Variants in RMDN2 observed in about 807,000 individuals in gnomAD.
RMDN2 encodes regulator of microtubule dynamics protein 2.
A neutral mutation model predicts 52.8 loss-of-function variants in RMDN2; 61 were observed. The observed-to-expected ratio is 1.16, with a 90% CI of 0.94 to 1.43. The LOEUF (loss-of-function observed/expected upper bound fraction) is 1.43. RMDN2 is among the 40% of genes most tolerant of loss of function. RMDN2 has a pLI of 0.00. For synonymous variants in RMDN2, 180 were observed against 153.1 expected, an observed-to-expected ratio of 1.18 and a Z score of -1.30; for missense variants, 592 against 475.3, an observed-to-expected ratio of 1.25 and a Z score of -2.28.
chr2:37,957,820 G>C (rs773454235), intron 2 of RMDN2, among the ~76,000 whole-genome samples: 7 of 152,096 alleles, frequency 4.6e-5, no homozygotes, highest in African/African-American at 7.2e-5. Context: ...GTTGATTTTT[G>C]TATAAGGTAT....
intron 2 of RMDN2, among the ~76,000 whole-genome samples, chr2:37,960,852 G>A (rs1300834899): frequency 6.6e-6 from 1 of 152,144 alleles, no homozygotes; most frequent in African/African-American, 2.4e-5. Context: ...CATATTTAAT[G>A]CTTCCTTCAG....
At chr2:37,978,777 C>CAGGT (rs1672903497) in intron 4 of RMDN2, among the ~76,000 whole-genome samples, 1 of 148,750 alleles carries the variant, frequency 6.7e-6, no homozygotes, top group South Asian at 2.2e-4. Flanking sequence ...GACCCTTTCT[C>CAGGT]AGATAGATAG....
At chr2:38,045,750 C>T (rs975536128) in intron 10 of RMDN2, among the ~76,000 whole-genome samples, 34 of 152,312 alleles carry the variant, frequency 2.2e-4, no homozygotes, top group African/African-American at 6.7e-4. Flanking sequence ...CCGCCCTTCT[C>T]CCCCAGCTTA....
At chr2:38,020,194 A>T (rs959965917), downstream of RMDN2, among the ~76,000 whole-genome samples, 9 of 152,068 alleles carry the variant, frequency 5.9e-5, no homozygotes, top group Admixed American at 5.9e-4. Context: ...TTCTATTATT[A>T]TTACAGTGTA....
intron 8 of RMDN2, among the ~76,000 whole-genome samples, chr2:38,001,524 A>G (rs1247719541): frequency 6.6e-6 from 1 of 152,216 alleles, no homozygotes; most frequent in Non-Finnish European, 1.5e-5. Flanking sequence ...CATGAGAACA[A>G]AAAGAGATGT....
At chr2:38,030,613 A>G (rs1025205067) in intron 10 of RMDN2, 7 of 152,254 alleles carry the variant, frequency 4.6e-5, no homozygotes, top group African/African-American at 1.7e-4. Flanking sequence ...CTGGCTTTAC[A>G]TGGATTTTTA....
chr2:38,040,828 C>T (rs147402054), intron 10 of RMDN2, among the ~76,000 whole-genome samples: 5 of 152,260 alleles, frequency 3.3e-5, no homozygotes, highest in African/African-American at 1.2e-4. Context: ...ATCTTAAACA[C>T]TATTGAGTCT....
intron 2 of RMDN2, among the ~76,000 whole-genome samples, chr2:37,945,515 C>T (rs1017356613): frequency 7.9e-5 from 12 of 152,146 alleles, no homozygotes; most frequent in Admixed American, 1.3e-4. Context: ...TACCCCGATA[C>T]CTTGGCACCA....
chr2:37,949,755 A>G (rs563985842), intron 2 of RMDN2, among the ~76,000 whole-genome samples: 1 of 152,102 alleles, frequency 6.6e-6, no homozygotes, highest in Non-Finnish European at 1.5e-5. Context: ...CACAGTAAAT[A>G]AAAGTATTTG....
At chr2:38,001,240 A>G (rs1676281642) in intron 8 of RMDN2, among the ~76,000 whole-genome samples, 1 of 152,246 alleles carries the variant, frequency 6.6e-6, no homozygotes, top group East Asian at 1.9e-4. Flanking sequence ...GAACACAGAA[A>G]TGACCAACAA....
chr2:38,009,355 C>T (rs150267344), intron 10 of RMDN2, among the ~76,000 whole-genome samples: 2,375 of 152,290 alleles, frequency 0.016, 57 homozygotes, highest in African/African-American at 0.054. Flanking sequence ...ACCAATCAGA[C>T]GTAGATTTGG....
intron 5 of RMDN2, among the ~76,000 whole-genome samples, chr2:37,984,915 T>G (rs1005919331): frequency 6.6e-6 from 1 of 151,548 alleles, no homozygotes; most frequent in African/African-American, 2.4e-5. Flanking sequence ...CAAACATAGG[T>G]AGAATGGATT....
chr2:37,951,172 T>C, intron 2 of RMDN2: 1 of 1,463,838 alleles, frequency 6.8e-7, no homozygotes, highest in African/African-American at 1.4e-5. Context: ...TCAGGAGGCT[T>C]GGCAGGTCTC....
At chr2:37,927,809 A>AT (rs1666409221) in intron 1 of RMDN2, among the ~76,000 whole-genome samples, 2 of 152,168 alleles carry the variant, frequency 1.3e-5, no homozygotes, top group African/African-American at 2.4e-5. Context: ...TTGTGATACA[A>AT]TTTTTTTGTA....
intron 10 of RMDN2, among the ~76,000 whole-genome samples, chr2:38,013,777 G>A (rs1678336652): frequency 6.6e-6 from 1 of 152,162 alleles, no homozygotes; most frequent in South Asian, 2.1e-4. Context: ...TGGGTCTCTT[G>A]TCAAAATCCT....
At chr2:37,937,796 C>A (rs571079267) in intron 2 of RMDN2, among the ~76,000 whole-genome samples, 3 of 152,146 alleles carry the variant, frequency 2.0e-5, no homozygotes, top group Non-Finnish European at 2.9e-5. Context: ...GGGGCTGAGA[C>A]GATGAGGTTT....
At chr2:38,011,112 C>T (rs1216666334) in intron 10 of RMDN2, among the ~76,000 whole-genome samples, 1 of 152,116 alleles carries the variant, frequency 6.6e-6, no homozygotes, top group African/African-American at 2.4e-5. Context: ...GACAGGTGGC[C>T]CAGCCTAGAG....
intron 2 of RMDN2, among the ~76,000 whole-genome samples, chr2:37,972,619 T>C (rs1671952977): frequency 6.6e-6 from 1 of 152,134 alleles, no homozygotes; most frequent in South Asian, 2.1e-4. Context: ...GCTACTCTGT[T>C]GAGAATAGAA....
At chr2:38,001,385 C>T (rs1279245508) in intron 8 of RMDN2, among the ~76,000 whole-genome samples, 2 of 152,196 alleles carry the variant, frequency 1.3e-5, no homozygotes, top group Admixed American at 6.5e-5. Flanking sequence ...TACATTGAAA[C>T]ATTAGCTAAT....
Sources: gnomAD v4.1 joint callset for allele counts (sites outside exome capture counted in the v4.1 genomes callset) on GRCh38, gnomAD v4.1.1 for gene constraint, MANE v1.5 for transcripts, NCBI Gene and HGNC (gene_info 2026-07-23, HGNC 2026-07-21) for gene names.